The following KCNMA1 variants were observed in gnomAD, a reference collection of about 807,000 sequenced individuals.
The protein encoded by KCNMA1 is potassium calcium-activated channel subfamily M alpha 1.
A neutral mutation model predicts 140.0 loss-of-function variants in KCNMA1; 29 were observed. The observed-to-expected ratio is 0.21, with a 90% CI of 0.15 to 0.28. The LOEUF (loss-of-function observed/expected upper bound fraction) is 0.28, where lower values mean the gene tolerates loss of function less well. Among genes scored for constraint, KCNMA1 ranks in the 10% least tolerant of loss-of-function variants. KCNMA1 has a pLI of 1.00. For missense variants in KCNMA1, 880 were observed against 1,602.2 expected, an observed-to-expected ratio of 0.55 and a Z score of 7.70; for synonymous variants, 612 against 611.9, an observed-to-expected ratio of 1.00 and a Z score of 0.00.
intron 5 of KCNMA1, among the ~76,000 whole-genome samples, chr10:77,128,199 T>A (rs1479664388): frequency 6.6e-6 from 1 of 152,080 alleles, no homozygotes; most frequent in Non-Finnish European, 1.5e-5. Flanking sequence ...TATGTTCTCA[T>A]ATAAAGAAGA....
chr10:76,893,375 G>A (rs1479016626), intron 25 of KCNMA1, among the ~76,000 whole-genome samples: 5 of 152,058 alleles, frequency 3.3e-5, no homozygotes, highest in Admixed American at 3.3e-4. Context: ...TTGTTTTCTT[G>A]GAGGCGTGGG....
intron 2 of KCNMA1, among the ~76,000 whole-genome samples, chr10:77,343,053 TTA>T: frequency 6.6e-6 from 1 of 152,110 alleles, no homozygotes; most frequent in African/African-American, 2.4e-5. Flanking sequence ...CTTTGTGGAT[TTA>T]TGTCTCCTGG....
intron 1 of KCNMA1, among the ~76,000 whole-genome samples, chr10:77,524,340 C>A (rs1013500375): frequency 3.9e-5 from 6 of 152,174 alleles, no homozygotes; most frequent in Non-Finnish European, 8.8e-5. Flanking sequence ...AAAACAGACA[C>A]AGAAAACTTT....
At chr10:77,439,734 A>G (rs1265380560) in intron 1 of KCNMA1, among the ~76,000 whole-genome samples, 1 of 151,550 alleles carries the variant, frequency 6.6e-6, no homozygotes, top group Non-Finnish European at 1.5e-5. Context: ...TTTTATTCTC[A>G]CTCTGTGGCC....
chr10:77,262,807 C>A (rs1044540601), intron 2 of KCNMA1, among the ~76,000 whole-genome samples: 2 of 152,054 alleles, frequency 1.3e-5, no homozygotes, highest in Non-Finnish European at 2.9e-5. Context: ...GGGTGCCATG[C>A]TTGTACAGCC....
At chr10:77,252,413 G>A (rs75426273) in intron 2 of KCNMA1, among the ~76,000 whole-genome samples, 1,992 of 152,296 alleles carry the variant, frequency 0.013, 55 homozygotes, top group African/African-American at 0.046. Flanking sequence ...ACTGCAGGCT[G>A]AAGGGCATTG....
chr10:77,321,718 A>G (rs2082379359), intron 2 of KCNMA1, among the ~76,000 whole-genome samples: 1 of 152,138 alleles, frequency 6.6e-6, no homozygotes, highest in African/African-American at 2.4e-5. Flanking sequence ...GGGGAAAGAC[A>G]ACAGTCCTAG....
chr10:77,516,530 T>C (rs767894556), intron 1 of KCNMA1, among the ~76,000 whole-genome samples: 5 of 152,228 alleles, frequency 3.3e-5, no homozygotes, highest in Non-Finnish European at 5.9e-5. Context: ...GCCTGACCCA[T>C]GGTAGGTGCA....
intron 1 of KCNMA1, chr10:77,634,264 A>G (rs2093507244): frequency 1.0e-6 from 1 of 985,372 alleles, no homozygotes; most frequent in Non-Finnish European, 1.2e-6. Context: ...GTGAAAAAGT[A>G]CAGCAAAGAA....
chr10:77,468,892 CAG>C (rs1345858934), intron 1 of KCNMA1, among the ~76,000 whole-genome samples: 3 of 152,254 alleles, frequency 2.0e-5, no homozygotes, highest in Admixed American at 6.5e-5. Context: ...GTGATTAGTA[CAG>C]AGTCTTAACC....
In KCNMA1 at chr10:77,470,695, C is replaced by A. The variant is rs149410507; in HGVS notation, c.379-66672G>T. On this transcript the variant is annotated intron_variant, in intron 1 of 27. Coordinates refer to ENST00000286628, the MANE Select transcript of KCNMA1 (RefSeq NM_001161352.2). ...ACGAGTAATTTAATCATTTTTAAAG[C>A]CTGTGTGCAGGCTCCGCCATCTTAC... is the stretch of plus-strand genomic sequence containing the variant. Among the ~76,000 whole-genome samples, 8 of 152,290 alleles carry A rather than the reference C, an allele frequency of 5.3e-5. No individual in the cohort carries two copies. In the East Asian group the frequency reaches 1.4e-3, roughly 26 times the overall value.
chr10:76,991,453 C>T (rs2082743271), intron 19 of KCNMA1, among the ~76,000 whole-genome samples: 1 of 152,146 alleles, frequency 6.6e-6, no homozygotes, highest in Non-Finnish European at 1.5e-5. Context: ...TGTCCTTGTT[C>T]TTTCTTACTA....
At chr10:77,502,553 T>C (rs1257522354) in intron 1 of KCNMA1, among the ~76,000 whole-genome samples, 3 of 152,184 alleles carry the variant, frequency 2.0e-5, no homozygotes, top group Non-Finnish European at 2.9e-5. Context: ...CCTCAGACTT[T>C]CAGTTGCGTC....
At chr10:76,921,927 T>C (rs2055958030) in intron 23 of KCNMA1, among the ~76,000 whole-genome samples, 1 of 152,072 alleles carries the variant, frequency 6.6e-6, no homozygotes, top group Non-Finnish European at 1.5e-5. Flanking sequence ...GCTGACCATG[T>C]TTACTCAATA....
intron 5 of KCNMA1, among the ~76,000 whole-genome samples, chr10:77,154,926 C>T (rs191582891): frequency 6.6e-6 from 1 of 152,302 alleles, no homozygotes; most frequent in Admixed American, 6.5e-5. Context: ...ACTGTGTGGC[C>T]ACAGAGGCCT....
intron 3 of KCNMA1, among the ~76,000 whole-genome samples, chr10:77,216,984 T>C (rs1400178665): frequency 1.3e-5 from 2 of 152,202 alleles, no homozygotes; most frequent in African/African-American, 4.8e-5. Context: ...ACAGTTCAGA[T>C]GCAGAAACCT....
intron 6 of KCNMA1, among the ~76,000 whole-genome samples, chr10:77,113,286 C>T (rs2097369581): frequency 6.6e-6 from 1 of 152,110 alleles, no homozygotes. Context: ...TCCAATAAAA[C>T]TTTATTTACA....
At chr10:77,159,670 C>T (rs190551144) in intron 5 of KCNMA1, among the ~76,000 whole-genome samples, 1 of 152,114 alleles carries the variant, frequency 6.6e-6, no homozygotes, top group African/African-American at 2.4e-5. Context: ...CCTATTCCCC[C>T]CTCCTGTAGC....
chr10:76,941,018 G>GAAGAAAGAAAGAAAGAAAGA (rs758943097), intron 23 of KCNMA1, among the ~76,000 whole-genome samples: 948 of 38,190 alleles, frequency 0.025, 47 homozygotes, highest in South Asian at 0.063. Context: ...AGGAAGGAAG[G>GAAGAAAGAAAGAAAGAAAGA]AAGAAAGAAA....
Sources: allele counts gnomAD v4.1 joint callset (sites outside exome capture counted in the v4.1 genomes callset), GRCh38; gene constraint gnomAD v4.1.1; transcripts MANE v1.5; gene names NCBI Gene and HGNC (gene_info 2026-07-23, HGNC 2026-07-21).